LRGUK: variants seen among roughly 807,000 people sequenced by gnomAD.
LRGUK encodes leucine rich repeats and guanylate kinase domain containing.
In LRGUK, 65 loss-of-function variants were observed where a neutral mutation model predicts 76.0. That is an observed-to-expected ratio of 0.85 (90% CI 0.70 to 1.05). The LOEUF is 1.05. Ranked by LOEUF, LRGUK falls within the 50% of genes least tolerant of loss-of-function variation. The pLI, the probability that LRGUK is intolerant of heterozygous loss-of-function variation, is 0.00. For synonymous variants in LRGUK, 268 were observed against 265.6 expected, an observed-to-expected ratio of 1.01 and a Z score of -0.09; for missense variants, 758 against 732.8, an observed-to-expected ratio of 1.03 and a Z score of -0.40.
intron 19 of LRGUK, among the ~76,000 whole-genome samples, chr7:134,259,254 G>A (rs2117227446): frequency 6.6e-6 from 1 of 152,296 alleles, no homozygotes; most frequent in East Asian, 1.9e-4. Flanking sequence ...CCGCGGCAGT[G>A]TTCACAAATA....
chr7:134,170,987 T>C (rs1057439582), intron 7 of LRGUK, among the ~76,000 whole-genome samples: 8 of 152,216 alleles, frequency 5.3e-5, no homozygotes, highest in African/African-American at 1.9e-4. Context: ...GTGGTTCATC[T>C]TTTAAGTATA....
At chr7:134,161,909 G>A (rs1187465871) in intron 6 of LRGUK, among the ~76,000 whole-genome samples, 1 of 152,076 alleles carries the variant, frequency 6.6e-6, no homozygotes, top group Admixed American at 6.6e-5. Flanking sequence ...AGCCAGGATG[G>A]TCTCGATCTC....
chr7:134,217,026 T>C (rs745964481), intron 15 of LRGUK, among the ~76,000 whole-genome samples: 24 of 152,172 alleles, frequency 1.6e-4, no homozygotes, highest in Admixed American at 4.6e-4. Context: ...TGCTACCTCT[T>C]TTCTTTCCCA....
intron 2 of LRGUK, among the ~76,000 whole-genome samples, chr7:134,138,311 C>A (rs1203873568): frequency 6.6e-6 from 1 of 152,172 alleles, no homozygotes; most frequent in East Asian, 1.9e-4. Context: ...TGCCACTGAC[C>A]TCCTTACATT....
downstream of LRGUK, among the ~76,000 whole-genome samples, chr7:134,265,392 G>A (rs560084659): frequency 6.6e-5 from 10 of 152,248 alleles, no homozygotes; most frequent in South Asian, 1.4e-3. Flanking sequence ...GGATCTCAGA[G>A]CCTGAGTAAC....
chr7:134,209,117 C>T (rs559785908), exon 16 of LRGUK: 3 of 399,160 alleles, frequency 7.5e-6, no homozygotes, highest in Non-Finnish European at 1.3e-5. Flanking sequence ...TCCCATCACC[C>T]CGACCCTGGT....
chr7:134,220,505 C>T (rs1233796586), intron 15 of LRGUK, among the ~76,000 whole-genome samples: 2 of 152,014 alleles, frequency 1.3e-5, no homozygotes, highest in Admixed American at 6.6e-5. Flanking sequence ...AAAGTCCCTA[C>T]ATCTGTGGAC....
intron 16 of LRGUK, among the ~76,000 whole-genome samples, chr7:134,232,000 C>A (rs1364285264): frequency 2.0e-5 from 3 of 151,822 alleles, no homozygotes; most frequent in African/African-American, 2.4e-5. Context: ...TTGTTGAATT[C>A]TTATCATGTA....
intron 1 of LRGUK, among the ~76,000 whole-genome samples, chr7:134,129,192 T>G (rs1438417703): frequency 7.9e-6 from 1 of 126,594 alleles, no homozygotes; most frequent in Non-Finnish European, 1.7e-5. Context: ...CTTCCTTCCT[T>G]CCTCCCTCCC....
intron 18 of LRGUK, among the ~76,000 whole-genome samples, chr7:134,251,225 G>T (rs989923767): frequency 1.3e-5 from 2 of 152,222 alleles, no homozygotes; most frequent in Middle Eastern, 6.8e-3. Flanking sequence ...GAGTAGGGTG[G>T]GCTCCTAAGC....
intron 6 of LRGUK, among the ~76,000 whole-genome samples, chr7:134,163,030 A>G (rs1260179017): frequency 2.0e-5 from 3 of 152,142 alleles, no homozygotes; most frequent in East Asian, 1.9e-4. Flanking sequence ...ATGATGAAAG[A>G]GTTACATTAA....
intron 5 of LRGUK, among the ~76,000 whole-genome samples, chr7:134,149,136 T>G (rs1798103227): frequency 6.6e-6 from 1 of 151,990 alleles, no homozygotes; most frequent in Non-Finnish European, 1.5e-5. Context: ...ACTTTTGATT[T>G]GATTTGCAAC....
At chr7:134,223,215 C>T (rs1002429897) in intron 16 of LRGUK, among the ~76,000 whole-genome samples, 3 of 152,184 alleles carry the variant, frequency 2.0e-5, no homozygotes, top group Non-Finnish European at 4.4e-5. Context: ...GCCATCCAGC[C>T]CTGACTGTCC....
chr7:134,139,547 T>A (rs761376987), intron 3 of LRGUK, 30 bp downstream of exon 3: 2 of 1,395,642 alleles, frequency 1.4e-6, no homozygotes, highest in East Asian at 4.6e-5. Context: ...GATTGATCAC[T>A]GAATTATCTG....
Position 134,249,442 on chromosome 7 carries a change from T to A in LRGUK, c.2198+366T>A, listed in dbSNP as rs1802391796. On this transcript the variant is annotated intron_variant, in intron 18 of 19. Coordinates refer to the LRGUK transcript ENST00000285928. ...CTGCTAATCTCTTCCTGTACTGTGA[T>A]TCGGCTGTGTTCTTGGTTCCTAGCT... Among the ~76,000 whole-genome samples, 2 of 152,226 alleles carry A rather than the reference T, an allele frequency of 1.3e-5. 1 individual carries two copies. Among genetic ancestry groups the A allele is most frequent in the South Asian group, 4.1e-4 (2 of 4,826 alleles).
intron 5 of LRGUK, among the ~76,000 whole-genome samples, chr7:134,152,853 G>A (rs1465452871): frequency 1.3e-5 from 2 of 152,074 alleles, no homozygotes; most frequent in Non-Finnish European, 2.9e-5. Context: ...GAAAGCATAA[G>A]TTATGGTATA....
At chr7:134,155,065 A>G (rs571034188) in intron 5 of LRGUK, among the ~76,000 whole-genome samples, 15 of 152,160 alleles carry the variant, frequency 9.9e-5, no homozygotes, top group Non-Finnish European at 2.1e-4. Context: ...GTTGGGGTAG[A>G]GCTACCAGGA....
At chr7:134,252,369 A>AATTTAATTT (rs1563200827) in intron 18 of LRGUK, among the ~76,000 whole-genome samples, 1 of 148,534 alleles carries the variant, frequency 6.7e-6, no homozygotes, top group African/African-American at 2.6e-5. Flanking sequence ...AAATTAAATT[A>AATTTAATTT]AATTAAATTA....
chr7:134,256,684 C>G (rs752778684), intron 18 of LRGUK, among the ~76,000 whole-genome samples: 1 of 152,136 alleles, frequency 6.6e-6, no homozygotes, highest in South Asian at 2.1e-4. Context: ...CTCCACCCCA[C>G]CTTCCCCCTT....
Sources: allele counts gnomAD v4.1 joint callset (sites outside exome capture counted in the v4.1 genomes callset), GRCh38; gene constraint gnomAD v4.1.1; transcripts MANE v1.5; gene names NCBI Gene and HGNC (gene_info 2026-07-23, HGNC 2026-07-21).